Variants in ITGA11 observed in about 807,000 individuals in gnomAD.
The protein encoded by ITGA11 is integrin subunit alpha 11.
Under a neutral mutation model 141.9 loss-of-function variants are expected in ITGA11, and 97 were observed. That is an observed-to-expected ratio of 0.68 (90% confidence interval 0.58 to 0.81). ITGA11 has a LOEUF of 0.81. Ranked by LOEUF, ITGA11 falls within the 30% of genes least tolerant of loss-of-function variation. The pLI, the probability that ITGA11 is intolerant of heterozygous loss-of-function variation, is 0.00. For synonymous variants in ITGA11, 658 were observed against 624.6 expected (o/e 1.05, Z -0.80); for missense variants, 1,387 against 1,559.2 (o/e 0.89, Z 1.86).
intron 2 of ITGA11, among the ~76,000 whole-genome samples, chr15:68,399,546 T>C (rs1398728546): frequency 6.6e-6 from 1 of 152,062 alleles, no homozygotes; most frequent in Non-Finnish European, 1.5e-5. Flanking sequence ...AGCAAAGACA[T>C]GGAATCAACC....
intron 1 of ITGA11, among the ~76,000 whole-genome samples, chr15:68,423,715 G>A (rs1897073649): frequency 6.6e-6 from 1 of 152,140 alleles, no homozygotes; most frequent in African/African-American, 2.4e-5. Flanking sequence ...GATGAATGGG[G>A]GCAAGAGGGA....
In ITGA11 at chr15:68,303,799, C is replaced by T. The variant is rs1595846972; in HGVS notation, c.3468G>A (p.Leu1156=). Reference sequence around the variant, plus strand: ...TCCACAGTGCCAGGACCAGCAGGGCCAGCAGTAGGAGGCCCCCCAGGGTGC... The same window carrying T: ...TCCACAGTGCCAGGACCAGCAGGGCTAGCAGTAGGAGGCCCCCCAGGGTGC... ...VGSTLGGLLL[L]ALLVLALWKL... is the part of the protein sequence containing the mutation. The change falls in exon 29 of 30, where the codon CTG becomes CTA. Residue 1156 remains leucine (L), a synonymous_variant. Coordinates refer to ENST00000315757, the MANE Select transcript of ITGA11 (RefSeq NM_001004439.2). The surrounding 1 kb of genome is among the most constrained non-coding windows in gnomAD (Gnocchi z 5.3). 1.2e-6 allele frequency: 2 copies of T among 1,612,610 alleles called. No homozygotes were observed. The highest frequency in any genetic ancestry group is 1.7e-6 in the Non-Finnish European group (2 of 1,179,078).
In ITGA11 at chr15:68,390,308, C is replaced by T. The variant is rs534985218; in HGVS notation, c.164+12610G>A. Among the ~76,000 whole-genome samples, 48 of 152,218 alleles carry T rather than the reference C, an allele frequency of 3.2e-4. No individual in the cohort carries two copies. The East Asian group carries it at 7.1e-3, about 23-fold the overall frequency. On this transcript the variant is annotated intron_variant, in intron 2 of 29. Transcript: ENST00000315757. ...CCAACTGTTTACTGCGGGCCCTTGA[C>T]GTTCAAGGAGGCTTACGGCTGGTAA...
At chr15:68,342,014 C>T (rs1230050462) in intron 10 of ITGA11, among the ~76,000 whole-genome samples, 3 of 152,174 alleles carry the variant, frequency 2.0e-5, no homozygotes, top group Non-Finnish European at 2.9e-5. Context: ...TTTGTTGTGG[C>T]CAGGGAGAGT....
At chr15:68,306,728 G>A (rs929078168) in intron 28 of ITGA11, among the ~76,000 whole-genome samples, 3 of 152,178 alleles carry the variant, frequency 2.0e-5, no homozygotes, top group Admixed American at 6.5e-5. Flanking sequence ...TCCTGACCCC[G>A]CCTCTTTGCT....
intron 2 of ITGA11, among the ~76,000 whole-genome samples, chr15:68,376,050 C>T (rs1307671613): frequency 6.6e-6 from 1 of 152,188 alleles, no homozygotes; most frequent in Non-Finnish European, 1.5e-5. Flanking sequence ...TGTGTTTTCA[C>T]AAGCCCTCTA....
chr15:68,370,638 C>G (rs16951961), intron 2 of ITGA11, among the ~76,000 whole-genome samples: 2 of 152,180 alleles, frequency 1.3e-5, no homozygotes, highest in Non-Finnish European at 2.9e-5. Context: ...TTCCCAGGGA[C>G]AGCGGTACTG....
chr15:68,331,827 T>G, intron 14 of ITGA11, 32 bp downstream of exon 14: 1 of 1,576,524 alleles, frequency 6.3e-7, no homozygotes, highest in South Asian at 1.2e-5. Flanking sequence ...GCAGCCCCAT[T>G]TGCTCCATCC....
In ITGA11 at chr15:68,297,471, G is replaced by A. The variant is rs1595843802; in HGVS notation, c.*5588C>T. 8.3e-6 allele frequency: 1 copy of A among 120,098 alleles called. No homozygotes were observed. Among genetic ancestry groups the A allele is most frequent in the Admixed American group, 9.3e-5 (1 of 10,704 alleles). The allele number at this position is 120,098 out of a possible 1,614,324, so 7.4% of individuals were successfully genotyped here. A position where few individuals can be genotyped will look rare whatever the true frequency, so the allele number is the denominator to read the frequency against. ...TTTTTTTTATCCAAAAGAAAGCTAT[G>A]TCTGGTTAGGTAAATCATACACCTG... On this transcript the variant is annotated 3_prime_UTR_variant, in exon 30 of 30. Transcript: ENST00000315757.
In ITGA11 at chr15:68,357,133, GTTCTACTTTTT is replaced by G. The variant is rs1895094917; in HGVS notation, c.749+7_749+17del. On this transcript the variant is annotated splice_region_variant and intron_variant, in intron 7 of 29. Coordinates refer to ENST00000315757, the MANE Select transcript of ITGA11 (RefSeq NM_001004439.2). ...TCTGAGATCTAAAAAAATTTTTTTT[GTTCTACTTTTT>G]TTTTACCGTGCAAATTCAATGCCAA... The G allele has an allele frequency of 5.6e-6, 9 of 1,601,542 alleles. No individual in the cohort carries two copies. In the East Asian group the frequency reaches 2.0e-4, roughly 36 times the overall value.
intron 1 of ITGA11, among the ~76,000 whole-genome samples, chr15:68,431,050 C>A (rs1409557379): frequency 1.3e-5 from 2 of 152,250 alleles, no homozygotes; most frequent in East Asian, 3.9e-4. Flanking sequence ...GGCCAGTAAC[C>A]GAGGCGCTGG....
At chr15:68,339,832 G>T (rs145265192) in intron 10 of ITGA11, among the ~76,000 whole-genome samples, 188 bp from the exon 11 acceptor site, 3 of 152,238 alleles carry the variant, frequency 2.0e-5, no homozygotes, top group Non-Finnish European at 4.4e-5. Context: ...AGACTTTCTT[G>T]CCCCATTCCA....
intron 1 of ITGA11, among the ~76,000 whole-genome samples, chr15:68,428,322 A>T (rs1897191965): frequency 6.6e-6 from 1 of 152,092 alleles, no homozygotes; most frequent in Non-Finnish European, 1.5e-5. Flanking sequence ...AGAGCTCCCC[A>T]CTACAGGAGG....
At chr15:68,332,924 A>G (rs1338908953) in intron 12 of ITGA11, among the ~76,000 whole-genome samples, 1 of 152,164 alleles carries the variant, frequency 6.6e-6, no homozygotes, top group Non-Finnish European at 1.5e-5. Context: ...TTTTATTTTT[A>G]CAAATTGGGG....
intron 20 of ITGA11, among the ~76,000 whole-genome samples, chr15:68,319,657 T>C (rs1232151819): frequency 1.3e-5 from 2 of 152,236 alleles, no homozygotes; most frequent in African/African-American, 4.8e-5. Context: ...CGAGCAAGCC[T>C]GCAGGGTGCA....
chr15:68,387,210 G>A (rs59661269), intron 2 of ITGA11, among the ~76,000 whole-genome samples: 11,139 of 152,076 alleles, frequency 0.073, 555 homozygotes, highest in East Asian at 0.14. Context: ...TGAGCAGATC[G>A]CCTCAAAAAT....
chr15:68,431,882 C>A (rs1261011900), intron 1 of ITGA11, 133 bp downstream of exon 1: 3 of 554,090 alleles, frequency 5.4e-6, no homozygotes, highest in African/African-American at 2.0e-5. Context: ...CCTGGGGGAC[C>A]CACGTCCCCA....
chr15:68,320,551 C>T (rs879611908), intron 19 of ITGA11, among the ~76,000 whole-genome samples, 159 bp from the exon 20 acceptor site: 2 of 152,156 alleles, frequency 1.3e-5, no homozygotes, highest in East Asian at 1.9e-4. Flanking sequence ...GATGGCAGGG[C>T]TGGAAAGAGC....
At chr15:68,334,726 CT>C (rs1204314303) in intron 12 of ITGA11, among the ~76,000 whole-genome samples, 1 of 152,196 alleles carries the variant, frequency 6.6e-6, no homozygotes, top group Non-Finnish European at 1.5e-5. Flanking sequence ...CTTAATTTAG[CT>C]GCCTTCAGCA....
Sources: allele counts gnomAD v4.1 joint callset (sites outside exome capture counted in the v4.1 genomes callset), GRCh38; gene constraint gnomAD v4.1.1; non-coding constraint Gnocchi (gnomAD v3.1); transcripts MANE v1.5; gene names NCBI Gene and HGNC (gene_info 2026-07-23, HGNC 2026-07-21).